CTNNA2: variants seen among roughly 807,000 people sequenced by gnomAD.
CTNNA2 encodes catenin alpha 2.
A neutral mutation model predicts 101.0 loss-of-function variants in CTNNA2; 42 were observed. That is an observed-to-expected ratio of 0.42 (90% CI 0.32 to 0.54). CTNNA2 has a LOEUF of 0.54. CTNNA2 is among the 20% of genes least tolerant of loss of function. The probability of loss-of-function intolerance (pLI) is 0.14; values close to 1 mark genes in which losing one functional copy is unlikely to be tolerated. For missense variants in CTNNA2, 871 were observed against 1,223.1 expected (o/e 0.71, Z 4.29); for synonymous variants, 450 against 456.4 (o/e 0.99, Z 0.18).
At chr2:79,798,146 C>T (rs1409147679) in intron 3 of CTNNA2, among the ~76,000 whole-genome samples, 2 of 152,116 alleles carry the variant, frequency 1.3e-5, no homozygotes, top group Non-Finnish European at 2.9e-5. Flanking sequence ...GGGGTGGGGG[C>T]CCAGCAATCT....
intron 2 of CTNNA2, among the ~76,000 whole-genome samples, chr2:79,263,257 T>C (rs1004681839): frequency 5.3e-5 from 8 of 152,140 alleles, no homozygotes; most frequent in African/African-American, 1.2e-4. Context: ...TGGGAGGTGT[T>C]TGGGTCATGG....
chr2:80,394,458 T>A (rs550144107), intron 8 of CTNNA2, among the ~76,000 whole-genome samples: 1 of 152,296 alleles, frequency 6.6e-6, no homozygotes, highest in African/African-American at 2.4e-5. Flanking sequence ...GGGGAAACAT[T>A]CCCTTTTACT....
intron 7 of CTNNA2, among the ~76,000 whole-genome samples, chr2:80,083,184 G>C (rs1666489550): frequency 1.3e-5 from 2 of 152,078 alleles, no homozygotes; most frequent in Admixed American, 1.3e-4. Flanking sequence ...GAAGTCATTG[G>C]CAGAATGACA....
chr2:80,124,615 G>A (rs1702019147), intron 7 of CTNNA2, among the ~76,000 whole-genome samples: 1 of 152,032 alleles, frequency 6.6e-6, no homozygotes, highest in South Asian at 2.1e-4. Context: ...GAAGACATTG[G>A]TATTTGCTTC....
At position 79,638,442 on chromosome 2, in the gene CTNNA2, A is replaced by G. The variant is rs1373726918; in HGVS notation, c.-5-13110A>G. 2.6e-5 allele frequency among the ~76,000 whole-genome samples: 4 copies of G among 152,164 alleles called. No individual in the cohort carries two copies. In the South Asian group the frequency reaches 6.2e-4, roughly 24 times the overall value. On this transcript the variant is annotated intron_variant, in intron 1 of 18. Transcript: ENST00000402739. Reference sequence around the variant, plus strand: ...CTAAGGAGTATATATGCTGAACACAACTCGTGCTGAAATGTCAGTCCTCAC... The same window carrying G: ...CTAAGGAGTATATATGCTGAACACAGCTCGTGCTGAAATGTCAGTCCTCAC...
chr2:79,386,973 T>C (rs942092593), intron 4 of CTNNA2, among the ~76,000 whole-genome samples: 2 of 152,190 alleles, frequency 1.3e-5, no homozygotes, highest in African/African-American at 4.8e-5. Context: ...GGATGCCACT[T>C]TGAGAAATAT....
chr2:79,475,402 ATTC>A (rs1375398965), intron 4 of CTNNA2, among the ~76,000 whole-genome samples: 2 of 152,136 alleles, frequency 1.3e-5, no homozygotes, highest in African/African-American at 2.4e-5. Context: ...GACAGAAATT[ATTC>A]TTATTTTTTT....
chr2:79,930,272 AAGAAAG>A (rs1174794166), intron 7 of CTNNA2, among the ~76,000 whole-genome samples: 293 of 8,978 alleles, frequency 0.033, 1 homozygote, highest in Non-Finnish European at 0.077. Context: ...GAAAGAAAGA[AAGAAAG>A]AGAGAGAGAG....
rs1684520948 is a variant in CTNNA2, at chr2:79,894,063, T to TCC, written c.853-15531_853-15530insCC. On this transcript the variant is annotated intron_variant, in intron 6 of 18. Transcript: ENST00000402739. ...CTTCTTCTTCTTCTTCTTCTTCTTC[T>TCC]TCCTCCTCCTCCTCCTCCTTCTTCT... is the stretch of plus-strand genomic sequence containing the variant. Among the ~76,000 whole-genome samples, 317 of 61,310 alleles carry TCC rather than the reference T, an allele frequency of 5.2e-3. 1 individual carries two copies. Among genetic ancestry groups the TCC allele is most frequent in the African/African-American group, 0.017 (283 of 16,344 alleles). 40.2% of individuals were successfully genotyped at this position (61,310 alleles called of 152,430 possible).
chr2:79,487,874 T>C lies in CTNNA2; in HGVS notation c.-134-17180T>C, dbSNP rs529495058. Among the ~76,000 whole-genome samples, 53 of 152,292 alleles carry C rather than the reference T, an allele frequency of 3.5e-4. No homozygotes were observed. The East Asian group carries it at 5.0e-3, about 14-fold the overall frequency. ...TCAATAGATAACTAAAAGAGTAAGG[T>C]ATGAATATTAAGTAAATAATAAATT... is the stretch of plus-strand genomic sequence containing the variant. On this transcript the variant is annotated intron_variant, in intron 4 of 21. Transcript: ENST00000466387.
At chr2:80,039,274 A>C (rs543608446) in intron 7 of CTNNA2, among the ~76,000 whole-genome samples, 1 of 152,138 alleles carries the variant, frequency 6.6e-6, no homozygotes, top group Non-Finnish European at 1.5e-5. Context: ...TTCTGGAAGC[A>C]TAAGAGATAC....
At chr2:79,999,091 A>G (rs1478889706) in intron 7 of CTNNA2, among the ~76,000 whole-genome samples, 1 of 152,124 alleles carries the variant, frequency 6.6e-6, no homozygotes, top group Non-Finnish European at 1.5e-5. Context: ...AAAAGACAAA[A>G]ACATGAAGGA....
intron 3 of CTNNA2, among the ~76,000 whole-genome samples, chr2:79,325,045 C>A (rs1676714517): frequency 6.6e-6 from 1 of 152,122 alleles, no homozygotes; most frequent in Non-Finnish European, 1.5e-5. Context: ...ACAAAGCTAT[C>A]TTCTGAAACG....
chr2:79,575,363 C>A (rs1334135389), intron 1 of CTNNA2: 1 of 152,192 alleles, frequency 6.6e-6, no homozygotes, highest in African/African-American at 2.4e-5. Context: ...CCTGTGCCTC[C>A]TTGGGTGACA....
intron 4 of CTNNA2, among the ~76,000 whole-genome samples, chr2:79,487,205 C>T (rs1465066010): frequency 1.3e-5 from 2 of 152,028 alleles, no homozygotes; most frequent in African/African-American, 4.8e-5. Context: ...GAGAAATTGT[C>T]AATAGACATA....
At chr2:80,429,477 G>C (rs891120862) in intron 9 of CTNNA2, among the ~76,000 whole-genome samples, 7 of 152,102 alleles carry the variant, frequency 4.6e-5, no homozygotes, top group African/African-American at 1.4e-4. Flanking sequence ...CTGCCCCCAG[G>C]CTCTTATTCA....
In CTNNA2 at chr2:80,617,198, G is replaced by T. The variant is rs1036381043; in HGVS notation, c.2431-1887G>T. On this transcript the variant is annotated intron_variant, in intron 17 of 18. Coordinates refer to ENST00000402739, the MANE Select transcript of CTNNA2 (RefSeq NM_001282597.3). ...GATGATCCAAGTAAGTTTCTAATAC[G>T]TAATAATTTTTAAAACTGAGAAATT... Among the ~76,000 whole-genome samples the T allele has an allele frequency of 4.0e-5, 6 of 151,636 alleles. 2 individuals are homozygous for T. Among genetic ancestry groups the T allele is most frequent in the African/African-American group, 1.4e-4 (6 of 41,432 alleles).
chr2:80,475,500 C>T (rs1282401679), intron 9 of CTNNA2, among the ~76,000 whole-genome samples: 1 of 152,042 alleles, frequency 6.6e-6, no homozygotes, highest in African/African-American at 2.4e-5. Flanking sequence ...CTCTCAACTA[C>T]AAATATGAGG....
intron 2 of CTNNA2, among the ~76,000 whole-genome samples, chr2:79,696,542 A>G (rs1684663734): frequency 6.6e-6 from 1 of 152,002 alleles, no homozygotes; most frequent in Non-Finnish European, 1.5e-5. Context: ...TCAATCTTTC[A>G]GTTGTTTAGG....
Sources: allele counts gnomAD v4.1 joint callset (sites outside exome capture counted in the v4.1 genomes callset), GRCh38; gene constraint gnomAD v4.1.1; transcripts MANE v1.5; gene names NCBI Gene and HGNC (gene_info 2026-07-23, HGNC 2026-07-21).